NALCN: variants seen among roughly 807,000 people sequenced by gnomAD.
The protein encoded by NALCN is sodium leak channel NALCN.
A neutral mutation model predicts 225.3 loss-of-function variants in NALCN; 111 were observed. The ratio of observed to expected loss-of-function variants is 0.49; its 90% CI spans 0.42 to 0.58. The LOEUF (loss-of-function observed/expected upper bound fraction) is 0.58. NALCN is among the 20% of genes least tolerant of loss of function. The pLI, the probability that NALCN is intolerant of heterozygous loss-of-function variation, is 0.00. For missense variants in NALCN, 1,378 were observed against 2,202.4 expected (o/e 0.63, Z 7.49); for synonymous variants, 764 against 769.0 (o/e 0.99, Z 0.11).
At chr13:101,379,491 T>A (rs56099273) in intron 3 of NALCN, among the ~76,000 whole-genome samples, 37,264 of 151,946 alleles carry the variant, frequency 0.25, 4,747 homozygotes, top group Non-Finnish European at 0.29. Flanking sequence ...GATAAACTGG[T>A]TAAAGAAAAT....
chr13:101,402,955 A>G lies in NALCN; in HGVS notation c.-39-3790T>C, dbSNP rs2047517321. ...GTTTTCTTGCTCATTCATTCCATAT[A>G]TGTACAACGGCCTTTTTCACCTATC... On this transcript the variant is annotated intron_variant, in intron 1 of 43. Transcript: ENST00000251127. 2.0e-5 allele frequency among the ~76,000 whole-genome samples: 3 copies of G among 152,068 alleles called. No individual in the cohort carries two copies. In the South Asian group the frequency reaches 6.2e-4, roughly 32 times the overall value.
In NALCN at chr13:101,146,424, C is replaced by T. The variant is rs573474151; in HGVS notation, c.1840-1528G>A. ...GATGACAATGGTAAGGAATTAGCTC[C>T]CAAAGACACAAAACAAAAAGTAGTA... On this transcript the variant is annotated intron_variant, in intron 15 of 43. Coordinates refer to ENST00000251127, the MANE Select transcript of NALCN (RefSeq NM_052867.4). 7.2e-4 allele frequency among the ~76,000 whole-genome samples: 110 copies of T among 152,152 alleles called. 3 individuals are homozygous for T. Among genetic ancestry groups the T allele is most frequent in the African/African-American group, 2.6e-3 (107 of 41,486 alleles).
At chr13:101,100,481 T>G (rs775261183) in intron 27 of NALCN, among the ~76,000 whole-genome samples, 2 of 152,188 alleles carry the variant, frequency 1.3e-5, no homozygotes, top group Non-Finnish European at 2.9e-5. Context: ...AAGGGGTTTG[T>G]GGGAAGAGAA....
intron 7 of NALCN, among the ~76,000 whole-genome samples, chr13:101,301,083 A>G (rs1009186512): frequency 3.3e-5 from 5 of 152,256 alleles, no homozygotes; most frequent in Admixed American, 2.0e-4. Flanking sequence ...GAAAATTTCT[A>G]AAGTTCCAAG....
At chr13:101,370,209 G>GA (rs199602346) in intron 6 of NALCN, among the ~76,000 whole-genome samples, 94 of 150,494 alleles carry the variant, frequency 6.2e-4, no homozygotes, top group Non-Finnish European at 9.9e-4. Flanking sequence ...GACAAAAATA[G>GA]AAAAAAAAAT....
intron 17 of NALCN, among the ~76,000 whole-genome samples, chr13:101,125,708 A>C (rs1030227691): frequency 6.6e-6 from 1 of 152,212 alleles, no homozygotes; most frequent in Non-Finnish European, 1.5e-5. Flanking sequence ...TGGAACAGCA[A>C]GTCTGGACTA....
chr13:101,139,978 C>A (rs1301970452), intron 17 of NALCN, among the ~76,000 whole-genome samples: 1 of 152,086 alleles, frequency 6.6e-6, no homozygotes, highest in Non-Finnish European at 1.5e-5. Context: ...ATCCTAAGGT[C>A]TTATGAGGAA....
At chr13:101,244,935 G>A (rs1311545415) in intron 11 of NALCN, among the ~76,000 whole-genome samples, 1 of 152,160 alleles carries the variant, frequency 6.6e-6, no homozygotes, top group African/African-American at 2.4e-5. Context: ...ATTTGCCAGG[G>A]GCATGCTGGG....
intron 18 of NALCN, among the ~76,000 whole-genome samples, chr13:101,123,958 A>G (rs17677956): frequency 0.12 from 17,852 of 152,186 alleles, 1,431 homozygotes; most frequent in East Asian, 0.41. Flanking sequence ...CCAGCTCCCA[A>G]TCTTGAGTTG....
chr13:101,359,478 G>C (rs976454520), intron 6 of NALCN, among the ~76,000 whole-genome samples: 1 of 152,200 alleles, frequency 6.6e-6, no homozygotes, highest in Non-Finnish European at 1.5e-5. Flanking sequence ...GTGATGCTGC[G>C]TCCTTCTGTG....
chr13:101,110,761 A>G, intron 19 of NALCN, 73 bp from the exon 20 acceptor site: 1 of 1,491,842 alleles, frequency 6.7e-7, no homozygotes, highest in Non-Finnish European at 9.3e-7. Flanking sequence ...CCATGATAAA[A>G]TCAAAATAAA....
chr13:101,176,151 G>A (rs1381842298), intron 15 of NALCN, 149 bp downstream of exon 15: 1 of 435,246 alleles, frequency 2.3e-6, no homozygotes, highest in Non-Finnish European at 3.9e-6. Context: ...TTAGATAAAA[G>A]TTAAACTTAA....
intron 6 of NALCN, among the ~76,000 whole-genome samples, chr13:101,352,080 T>A (rs577079328): frequency 6.6e-6 from 1 of 152,320 alleles, no homozygotes; most frequent in African/African-American, 2.4e-5. Flanking sequence ...TATTAATTCA[T>A]AATAATTATT....
intron 13 of NALCN, among the ~76,000 whole-genome samples, chr13:101,217,254 T>C (rs569968101): frequency 5.8e-4 from 88 of 152,304 alleles, no homozygotes; most frequent in Non-Finnish European, 1.1e-3. Context: ...GTGGTTGTTC[T>C]TGCTTATGGC....
chr13:101,414,945 G>A (rs1373071188), intron 1 of NALCN, among the ~76,000 whole-genome samples: 4 of 151,786 alleles, frequency 2.6e-5, no homozygotes, highest in South Asian at 4.2e-4. Flanking sequence ...GCAGTGGCTA[G>A]GTCAAAGTAT....
intron 10 of NALCN, among the ~76,000 whole-genome samples, chr13:101,260,254 A>G (rs949257054): frequency 1.3e-5 from 2 of 152,074 alleles, no homozygotes; most frequent in Non-Finnish European, 2.9e-5. Context: ...TATGTACTGT[A>G]TTTTCTTTAT....
chr13:101,264,433 T>C (rs531623128), intron 10 of NALCN, among the ~76,000 whole-genome samples: 2 of 152,182 alleles, frequency 1.3e-5, no homozygotes, highest in South Asian at 2.1e-4. Context: ...AAAGAGTCTA[T>C]ACTAGATTAA....
At chr13:101,299,845 T>A (rs890544145) in intron 7 of NALCN, among the ~76,000 whole-genome samples, 7 of 152,074 alleles carry the variant, frequency 4.6e-5, no homozygotes, top group African/African-American at 9.7e-5. Flanking sequence ...TTAAAAAAAA[T>A]TTTAGCCAAA....
At chr13:101,133,985 T>C (rs981017272) in intron 17 of NALCN, among the ~76,000 whole-genome samples, 1 of 151,932 alleles carries the variant, frequency 6.6e-6, no homozygotes, top group Admixed American at 6.6e-5. Context: ...CTGGCTAACA[T>C]GGTGAAACCC....
Sources: allele counts gnomAD v4.1 joint callset (sites outside exome capture counted in the v4.1 genomes callset), GRCh38; gene constraint gnomAD v4.1.1; transcripts MANE v1.5; gene names NCBI Gene and HGNC (gene_info 2026-07-23, HGNC 2026-07-21).